Variants in SIK3 observed in about 807,000 individuals in gnomAD.
The protein encoded by SIK3 is SIK family kinase 3, also known as serine/threonine-protein kinase SIK3.
Under a neutral mutation model 144.2 loss-of-function variants are expected in SIK3, and 28 were observed. That is an observed-to-expected ratio of 0.19 (90% CI 0.14 to 0.27). SIK3 has a LOEUF of 0.27. Among genes scored for constraint, SIK3 ranks in the 10% least tolerant of loss-of-function variants. SIK3 has a pLI of 1.00. For synonymous variants in SIK3, 686 were observed against 676.3 expected (o/e 1.01, Z -0.22); for missense variants, 1,319 against 1,776.0 (o/e 0.74, Z 4.62).
At chr11:116,931,522 A>G (rs1947602133) in intron 3 of SIK3, among the ~76,000 whole-genome samples, 1 of 152,210 alleles carries the variant, frequency 6.6e-6, no homozygotes, top group South Asian at 2.1e-4. Context: ...TAGTTGATGC[A>G]AAACACTAGC....
chr11:116,846,375 ACACT>A lies in SIK3; in HGVS notation c.*13+4_*13+7del. Reference sequence around the variant, plus strand: ...GGCTGGTTTGGCTCTGGCCAGGGTGACACTCACTCTCTGTTTCTTGTTACACGCC... The same window carrying A: ...GGCTGGTTTGGCTCTGGCCAGGGTGACACTCTCTGTTTCTTGTTACACGCC... On this transcript the variant is annotated splice_donor_5th_base_variant and intron_variant, in intron 24 of 24. Transcript: ENST00000445177. This position sits in a 1 kb window ranked among gnomAD's most constrained non-coding sequence, Gnocchi z 4.1. 6.2e-7 allele frequency: 1 copy of A among 1,612,896 alleles called. No homozygotes were observed.
rs1351200257 is a variant in SIK3, at chr11:116,846,551, A to G, written c.3955T>C (p.Cys1319Arg). 1.2e-6 allele frequency: 2 copies of G among 1,614,132 alleles called. No individual in the cohort carries two copies. The highest frequency in any genetic ancestry group is 2.2e-5 in the East Asian group (1 of 44,876). Residue 1319 changes from cysteine to arginine, a missense_variant and splice_region_variant, in exon 24 of 25, where the codon TGT (cysteine) becomes CGT (arginine). This residue lies in a region of SIK3 where 646 missense variants were observed against 763.7 expected (regional missense o/e 0.85). Coordinates refer to ENST00000445177, the MANE Select transcript of SIK3 (RefSeq NM_001366686.3). This position sits in a 1 kb window ranked among gnomAD's most constrained non-coding sequence, Gnocchi z 4.1. Reference protein sequence around the residue: ...QQFQDGENEECGASLGGHEHP... With the variant: ...QQFQDGENEERGASLGGHEHP... The stretch of plus-strand genomic sequence containing the variant: ...TCATGACCTCCCAGGCTTGCCCCAC[A>G]TTCTGCAAGACCAAAAAGAACGTAT...
intron 1 of SIK3, among the ~76,000 whole-genome samples, chr11:116,971,357 C>A (rs528227798): frequency 5.9e-4 from 90 of 152,252 alleles, no homozygotes; most frequent in African/African-American, 2.1e-3. Flanking sequence ...GTTGCATAAT[C>A]CAATGTCAGC....
At chr11:116,995,635 A>C (rs1051434926) in intron 1 of SIK3, among the ~76,000 whole-genome samples, 1 of 152,092 alleles carries the variant, frequency 6.6e-6, no homozygotes, top group African/African-American at 2.4e-5. Context: ...GAAGTCCCCA[A>C]TATTCTAATC....
chr11:117,008,020 A>C (rs1406601476), intron 1 of SIK3, among the ~76,000 whole-genome samples: 2 of 144,274 alleles, frequency 1.4e-5, no homozygotes, highest in African/African-American at 5.1e-5. Context: ...AAGCTGCAGT[A>C]AACTGAGATC....
intron 4 of SIK3, among the ~76,000 whole-genome samples, chr11:116,899,510 CATT>C (rs1431746928): frequency 6.6e-6 from 1 of 152,138 alleles, no homozygotes; most frequent in African/African-American, 2.4e-5. Context: ...GACAAAGTGA[CATT>C]ATTATAATTA....
chr11:117,013,114 A>G (rs1020173886), intron 1 of SIK3, among the ~76,000 whole-genome samples: 2 of 152,000 alleles, frequency 1.3e-5, no homozygotes, highest in African/African-American at 4.8e-5. Flanking sequence ...ATCACCAAAG[A>G]TAGTTTCTGT....
intron 22 of SIK3, 139 bp from the exon 23 acceptor site, chr11:116,847,747 C>A: frequency 1.0e-6 from 1 of 978,072 alleles, no homozygotes. Flanking sequence ...CTCTAAAGCA[C>A]CACCCAAAGG....
At chr11:117,012,813 T>C (rs957054247) in intron 1 of SIK3, among the ~76,000 whole-genome samples, 20 of 150,674 alleles carry the variant, frequency 1.3e-4, no homozygotes, top group Non-Finnish European at 2.9e-5. Flanking sequence ...TCATAATATA[T>C]TGAAATTCTT....
At chr11:116,917,027 T>C (rs528447368) in intron 4 of SIK3, among the ~76,000 whole-genome samples, 1 of 152,124 alleles carries the variant, frequency 6.6e-6, no homozygotes, top group Non-Finnish European at 1.5e-5. Context: ...TAATCATAGC[T>C]TACTGCAGCT....
chr11:117,063,818 TC>T (rs1186456467), intron 1 of SIK3, among the ~76,000 whole-genome samples: 3 of 152,012 alleles, frequency 2.0e-5, no homozygotes, highest in African/African-American at 7.2e-5. Flanking sequence ...TCGCCCCACT[TC>T]AGCTTCCCAA....
chr11:117,025,534 C>T (rs1951970929), intron 1 of SIK3, among the ~76,000 whole-genome samples: 1 of 151,992 alleles, frequency 6.6e-6, no homozygotes. Context: ...CAACTTCTGC[C>T]TCCCAGGCTC....
At chr11:117,075,115 C>A (rs1009150458) in intron 1 of SIK3, among the ~76,000 whole-genome samples, 24 of 152,094 alleles carry the variant, frequency 1.6e-4, no homozygotes, top group African/African-American at 5.3e-4. Context: ...TTTACATTTA[C>A]TTCTATACAC....
At chr11:117,062,610 A>T (rs938459053) in intron 1 of SIK3, among the ~76,000 whole-genome samples, 2 of 152,224 alleles carry the variant, frequency 1.3e-5, no homozygotes, top group African/African-American at 4.8e-5. Flanking sequence ...AATTCACTTT[A>T]GTTTCAATTC....
chr11:116,967,072 C>G (rs564237753), intron 1 of SIK3, among the ~76,000 whole-genome samples: 88 of 149,644 alleles, frequency 5.9e-4, no homozygotes, highest in African/African-American at 2.1e-3. Flanking sequence ...GACAGAAAGA[C>G]GGGAAATAAC....
At chr11:116,887,391 C>T (rs1591227075) in intron 6 of SIK3, among the ~76,000 whole-genome samples, 1 of 151,924 alleles carries the variant, frequency 6.6e-6, no homozygotes, top group East Asian at 1.9e-4. Flanking sequence ...CCGAGGCGGG[C>T]AGATCACTTG....
intron 3 of SIK3, among the ~76,000 whole-genome samples, chr11:116,944,996 G>C (rs1473173509): frequency 1.3e-5 from 2 of 149,674 alleles, no homozygotes; most frequent in African/African-American, 2.5e-5. Flanking sequence ...GTCTCGCTCT[G>C]TCCCGTAGGC....
intron 1 of SIK3, among the ~76,000 whole-genome samples, chr11:117,026,890 A>G (rs745859311): frequency 2.0e-5 from 3 of 152,348 alleles, no homozygotes; most frequent in Admixed American, 6.5e-5. Flanking sequence ...CTCCATGGAA[A>G]AAAGAATGGA....
chr11:116,921,665 T>C (rs915353393), intron 4 of SIK3, among the ~76,000 whole-genome samples: 1 of 152,204 alleles, frequency 6.6e-6, no homozygotes, highest in African/African-American at 2.4e-5. Flanking sequence ...CACCTCTCCC[T>C]GTCGTAAAAT....
Sources: allele counts gnomAD v4.1 joint callset (sites outside exome capture counted in the v4.1 genomes callset), GRCh38; gene constraint gnomAD v4.1.1; regional missense constraint gnomAD v4.1.1; non-coding constraint Gnocchi (gnomAD v3.1); transcripts MANE v1.5; gene names NCBI Gene and HGNC (gene_info 2026-07-23, HGNC 2026-07-21).